CMTM4: variants seen among roughly 807,000 people sequenced by gnomAD.
CMTM4 encodes CKLF-like MARVEL transmembrane domain-containing protein 4.
In CMTM4, 8 loss-of-function variants were observed where a neutral mutation model predicts 19.0. The observed-to-expected ratio is 0.42, with a 90% CI of 0.25 to 0.76. The LOEUF is 0.76. CMTM4 is among the 30% of genes least tolerant of loss of function. The probability of loss-of-function intolerance (pLI) is 0.27; values close to 1 mark genes in which losing one functional copy is unlikely to be tolerated. For missense variants in CMTM4, 228 were observed against 290.2 expected, an observed-to-expected ratio of 0.79 and a Z score of 1.56; for synonymous variants, 106 against 121.1, an observed-to-expected ratio of 0.88 and a Z score of 0.82.
the CMTM4 span, among the ~76,000 whole-genome samples, chr16:66,601,933 G>A: frequency 6.6e-6 from 1 of 152,200 alleles, no homozygotes; most frequent in Non-Finnish European, 1.5e-5. Flanking sequence ...TTGGGTAGCT[G>A]CAGCTGCACC....
At chr16:66,628,473 C>T (rs1442643611) in intron 2 of CMTM4, among the ~76,000 whole-genome samples, 2 of 152,110 alleles carry the variant, frequency 1.3e-5, no homozygotes, top group African/African-American at 2.4e-5. Context: ...TAGAGAATGG[C>T]GATGACTTTT....
intron 1 of CMTM4, among the ~76,000 whole-genome samples, chr16:66,689,735 C>T (rs917745614): frequency 6.6e-6 from 1 of 152,144 alleles, no homozygotes; most frequent in Non-Finnish European, 1.5e-5. Flanking sequence ...ATATGGTGTA[C>T]ACCTATAACA....
intron 2 of CMTM4, among the ~76,000 whole-genome samples, chr16:66,624,171 G>A (rs891698360): frequency 5.3e-5 from 8 of 152,222 alleles, no homozygotes; most frequent in African/African-American, 1.9e-4. Context: ...TGCTTTACGT[G>A]AGAATGTACC....
intron 1 of CMTM4, among the ~76,000 whole-genome samples, chr16:66,688,931 T>C (rs945868518): frequency 1.3e-5 from 2 of 152,220 alleles, no homozygotes; most frequent in Non-Finnish European, 2.9e-5. Flanking sequence ...TTTTTTGTTT[T>C]AATTTCCAAT....
rs1207802206 is a variant in CMTM4, at chr16:66,620,134, C to T, written c.*1924G>A. 5 of 985,448 alleles carry T rather than the reference C, an allele frequency of 5.1e-6. No homozygotes were observed. Among genetic ancestry groups the T allele is most frequent in the Middle Eastern group, 5.2e-4 (1 of 1,914 alleles). 61.0% of individuals were successfully genotyped at this position (985,448 alleles called of 1,614,324 possible). ...GGGGGCCAAGTAACATGATTCCCAG[C>T]AGGAGATTTCTGATAAAGCTCAGGA... On this transcript the variant is annotated 3_prime_UTR_variant, in exon 4 of 4. Coordinates refer to ENST00000394106, the MANE Select transcript of CMTM4 (RefSeq NM_181521.3).
At chr16:66,685,365 T>G (rs145987785) in intron 1 of CMTM4, among the ~76,000 whole-genome samples, 5 of 152,028 alleles carry the variant, frequency 3.3e-5, no homozygotes, top group South Asian at 2.1e-4. Flanking sequence ...ATGCTGGTAT[T>G]TCCAGGCTAT....
At chr16:66,609,263 C>T in the CMTM4 span, 6 of 611,600 alleles carry the variant, frequency 9.8e-6, no homozygotes, top group Non-Finnish European at 1.7e-5. This position sits in a 1 kb window ranked among gnomAD's most constrained non-coding sequence, Gnocchi z 4.4. Context: ...GGCAAGGCAG[C>T]AGAGGCACCT....
intron 2 of CMTM4, among the ~76,000 whole-genome samples, chr16:66,632,735 A>T (rs549141273): frequency 6.6e-6 from 1 of 152,252 alleles, no homozygotes; most frequent in South Asian, 2.1e-4. Flanking sequence ...CGTGGCACTA[A>T]TCAAAGTAAA....
At chr16:66,687,304 AT>A (rs2017052019) in intron 1 of CMTM4, among the ~76,000 whole-genome samples, 1 of 152,166 alleles carries the variant, frequency 6.6e-6, no homozygotes, top group Non-Finnish European at 1.5e-5. Context: ...CTTTAAGGCT[AT>A]ACTAAGGTAA....
chr16:66,620,830 A>AT lies in CMTM4; in HGVS notation c.*1227dup, dbSNP rs2015617827. ...CCATAAAAGATATAATTACTCTCTA[A>AT]TTTTTTAAAAAAACTACTGCATCAT... On this transcript the variant is annotated 3_prime_UTR_variant, in exon 4 of 4. Coordinates refer to ENST00000394106, the MANE Select transcript of CMTM4 (RefSeq NM_181521.3). 4 of 985,290 alleles carry AT rather than the reference A, an allele frequency of 4.1e-6. No individual in the cohort carries two copies. Among genetic ancestry groups the AT allele is most frequent in the Admixed American group, 6.2e-5 (1 of 16,260 alleles). 61.0% of individuals were successfully genotyped at this position (985,290 alleles called of 1,614,324 possible). A position where few individuals can be genotyped will look rare whatever the true frequency, so the allele number is the denominator to read the frequency against.
At position 66,621,565 on chromosome 16, in the gene CMTM4, G is replaced by T; in HGVS notation, c.*493C>A. On this transcript the variant is annotated 3_prime_UTR_variant, in exon 4 of 4. Coordinates refer to ENST00000394106, the MANE Select transcript of CMTM4 (RefSeq NM_181521.3). Reference sequence around the variant, plus strand: ...TGTGGCCTTTGGGCTGGTGCTGGCTGCCTGGGGGCCCTGGCATGGAAGATG... The same window carrying T: ...TGTGGCCTTTGGGCTGGTGCTGGCTTCCTGGGGGCCCTGGCATGGAAGATG... The T allele has an allele frequency of 1.0e-5, 10 of 988,956 alleles. No homozygotes were observed. The highest frequency in any genetic ancestry group is 1.2e-5 in the Non-Finnish European group (10 of 831,722). 61.3% of individuals were successfully genotyped at this position (988,956 alleles called of 1,614,324 possible). A position where few individuals can be genotyped will look rare whatever the true frequency, so the allele number is the denominator to read the frequency against.
chr16:66,610,391 G>A (rs372774147), downstream of CMTM4, among the ~76,000 whole-genome samples: 3 of 152,182 alleles, frequency 2.0e-5, no homozygotes, highest in East Asian at 1.9e-4. This position sits in a 1 kb window ranked among gnomAD's most constrained non-coding sequence, Gnocchi z 4.6. Context: ...GAAGCTCAGA[G>A]CCCAGAAAGG....
At chr16:66,663,801 A>G (rs1375626030) in intron 1 of CMTM4, among the ~76,000 whole-genome samples, 2 of 152,078 alleles carry the variant, frequency 1.3e-5, no homozygotes, top group East Asian at 1.9e-4. Flanking sequence ...TCGGCCTCCC[A>G]AAGTGCTGGG....
At position 66,619,148 on chromosome 16, in the gene CMTM4, C is replaced by T. The variant is rs1316118082; in HGVS notation, c.*2910G>A. On this transcript the variant is annotated 3_prime_UTR_variant, in exon 4 of 4. Transcript: ENST00000394106. Reference sequence around the variant, plus strand: ...TCTCCAGCCTTTCATGACTGTAATCCCTCTTTAAGGCAGGGAAAACATATT... The same window carrying T: ...TCTCCAGCCTTTCATGACTGTAATCTCTCTTTAAGGCAGGGAAAACATATT... 1 of 985,328 alleles carries T rather than the reference C, an allele frequency of 1.0e-6. No homozygotes were observed. Among genetic ancestry groups the T allele is most frequent in the Admixed American group, 6.1e-5 (1 of 16,266 alleles). 61.0% of individuals were successfully genotyped at this position (985,328 alleles called of 1,614,324 possible). A position where few individuals can be genotyped will look rare whatever the true frequency, so the allele number is the denominator to read the frequency against.
Position 66,618,235 on chromosome 16 carries a change from G to C in CMTM4, c.*3823C>G. Reference sequence around the variant, plus strand: ...TCAAGAGAATCCACCAGCAGCTCTTGGCCTAGAAACTTTTTCCCCTTTCTG... The same window carrying C: ...TCAAGAGAATCCACCAGCAGCTCTTCGCCTAGAAACTTTTTCCCCTTTCTG... On this transcript the variant is annotated 3_prime_UTR_variant, in exon 4 of 4. Transcript: ENST00000394106. 6 of 985,414 alleles carry C rather than the reference G, an allele frequency of 6.1e-6. No homozygotes were observed. Among genetic ancestry groups the C allele is most frequent in the Non-Finnish European group, 6.0e-6 (5 of 829,928 alleles). 61.0% of individuals were successfully genotyped at this position (985,414 alleles called of 1,614,324 possible). A position where few individuals can be genotyped will look rare whatever the true frequency, so the allele number is the denominator to read the frequency against.
intron 1 of CMTM4, among the ~76,000 whole-genome samples, chr16:66,674,938 T>G (rs1227507909): frequency 6.6e-6 from 1 of 151,894 alleles, no homozygotes; most frequent in Non-Finnish European, 1.5e-5. Context: ...AGGTGGGGTT[T>G]CACCATGTTG....
intron 1 of CMTM4, among the ~76,000 whole-genome samples, chr16:66,666,192 C>T (rs1182570419): frequency 2.6e-5 from 4 of 152,140 alleles, no homozygotes; most frequent in African/African-American, 9.7e-5. Flanking sequence ...GTGGCTCACG[C>T]CTGTAATCCC....
chr16:66,665,758 A>C (rs2016580804), intron 1 of CMTM4, among the ~76,000 whole-genome samples: 1 of 151,370 alleles, frequency 6.6e-6, no homozygotes, highest in African/African-American at 2.4e-5. Flanking sequence ...CCTGGGTGAG[A>C]CAGAGCGAGA....
chr16:66,647,574 G>A (rs559558775), intron 1 of CMTM4, among the ~76,000 whole-genome samples: 77 of 152,208 alleles, frequency 5.1e-4, no homozygotes, highest in African/African-American at 1.6e-3. Flanking sequence ...AGGAGACTGG[G>A]GAAGAAGTTG....
Sources: allele counts gnomAD v4.1 joint callset (sites outside exome capture counted in the v4.1 genomes callset), GRCh38; gene constraint gnomAD v4.1.1; non-coding constraint Gnocchi (gnomAD v3.1); transcripts MANE v1.5; gene names NCBI Gene and HGNC (gene_info 2026-07-23, HGNC 2026-07-21).